ZDHHC9: variants seen among roughly 807,000 people sequenced by gnomAD.
ZDHHC9 encodes palmitoyltransferase ZDHHC9.
In ZDHHC9, 3 loss-of-function variants were observed where a neutral mutation model predicts 26.6. The observed-to-expected ratio is 0.11, with a 90% CI of 0.05 to 0.29. The LOEUF is 0.29. Among genes scored for constraint, ZDHHC9 ranks in the 10% least tolerant of loss-of-function variants. The pLI is 1.00. For synonymous variants in ZDHHC9, 111 were observed against 109.4 expected (o/e 1.01, Z -0.09); for missense variants, 146 against 296.4 (o/e 0.49, Z 3.73).
chrX:129,804,511 T>C lies in ZDHHC9; in HGVS notation c.*1859A>G, dbSNP rs1171017945. 5.4e-5 allele frequency: 6 copies of C among 111,513 alleles called. No homozygotes were observed. Among genetic ancestry groups the C allele is most frequent in the Non-Finnish European group, 1.1e-4 (6 of 53,056 alleles). The allele number at this position is 111,513 out of a possible 1,213,427, so 9.2% of individuals were successfully genotyped here. ...GGGAATTGATAGGGAGTCTTGATTATACACCACCTAGAAAGAAATATATAC... is the reference window on the plus strand; with the variant it reads ...GGGAATTGATAGGGAGTCTTGATTACACACCACCTAGAAAGAAATATATAC... On this transcript the variant is annotated 3_prime_UTR_variant, in exon 11 of 11. Coordinates refer to ENST00000357166, the MANE Select transcript of ZDHHC9 (RefSeq NM_016032.4).
intron 5 of ZDHHC9, 43 bp downstream of exon 5, chrX:129,823,636 A>G (rs1181643455): frequency 8.3e-7 from 1 of 1,208,367 alleles, no homozygotes; most frequent in Admixed American, 2.2e-5. Context: ...TTCTAGTTCA[A>G]CTCAGCCTTT....
chrX:129,841,661 A>G (rs1928384356), intron 3 of ZDHHC9, 118 bp downstream of exon 3: 2 of 898,526 alleles, frequency 2.2e-6, no homozygotes. Context: ...CTCTACAGAC[A>G]TCGCTCAAGA....
At chrX:129,811,052 C>G in intron 9 of ZDHHC9, 51 bp from the exon 10 acceptor site, 1 of 1,088,542 alleles carries the variant, frequency 9.2e-7, no homozygotes, top group Non-Finnish European at 1.3e-6. Flanking sequence ...CCCCTCCACC[C>G]ACCTGGCCTA....
At chrX:129,833,789 T>C (rs1201862933) in intron 3 of ZDHHC9, among the ~76,000 whole-genome samples, 1 of 111,862 alleles carries the variant, frequency 8.9e-6, no homozygotes, top group African/African-American at 3.3e-5. Flanking sequence ...AAGAGCTCTG[T>C]AGGGGAGCTG....
intron 3 of ZDHHC9, among the ~76,000 whole-genome samples, chrX:129,830,807 C>T (rs12393918): frequency 0.041 from 4,559 of 111,560 alleles, 230 homozygotes; most frequent in African/African-American, 0.14. Flanking sequence ...GAGGTCTTCC[C>T]CTAGCTCCCT....
intron 5 of ZDHHC9, among the ~76,000 whole-genome samples, chrX:129,820,951 C>T (rs1261996675): frequency 1.8e-5 from 2 of 110,877 alleles, no homozygotes; most frequent in East Asian, 2.8e-4. Flanking sequence ...CAACAGGCCC[C>T]GGTGTGTGTT....
At chrX:129,816,945 C>T (rs144637272) in intron 5 of ZDHHC9, among the ~76,000 whole-genome samples, 1,171 of 110,907 alleles carry the variant, frequency 0.011, 15 homozygotes, top group African/African-American at 0.036. Flanking sequence ...TGCAATGGTG[C>T]GATCTCGGCT....
rs186074973 is a variant in ZDHHC9, at chrX:129,829,652, C to T, written c.168-511G>A. Among the ~76,000 whole-genome samples the T allele has an allele frequency of 4.1e-3, 455 of 112,110 alleles. 3 individuals are homozygous for T. Among genetic ancestry groups the T allele is most frequent in the African/African-American group, 0.013 (401 of 30,876 alleles). On this transcript the variant is annotated intron_variant, in intron 3 of 10. Coordinates refer to ENST00000357166, the MANE Select transcript of ZDHHC9 (RefSeq NM_016032.4). Reference sequence around the variant, plus strand: ...AGAGTATCTCAGCATGCTTCAAGACCAGTGAAAACCTTCAGGGCTGTTGAC... The same window carrying T: ...AGAGTATCTCAGCATGCTTCAAGACTAGTGAAAACCTTCAGGGCTGTTGAC...
rs779723534 is a variant in ZDHHC9 at position 129,803,610 on chromosome X, C to T, written c.*2760G>A. 8.9e-6 allele frequency: 1 copy of T among 111,920 alleles called. No homozygotes were observed. The highest frequency in any genetic ancestry group is 9.5e-5 in the Admixed American group (1 of 10,540). 9.2% of individuals were successfully genotyped at this position (111,920 alleles called of 1,213,427 possible). On this transcript the variant is annotated 3_prime_UTR_variant, in exon 11 of 11. Transcript: ENST00000357166. ...ATTTAGCTGCTACGGAATCAGAATC[C>T]ACCTCTAACCCAACCTCACTCCTGG... is the stretch of plus-strand genomic sequence containing the variant.
chrX:129,815,349 T>C (rs1423267648), intron 5 of ZDHHC9, among the ~76,000 whole-genome samples: 1 of 112,019 alleles, frequency 8.9e-6, no homozygotes, highest in Non-Finnish European at 1.9e-5. Context: ...GGCTATTTGG[T>C]GCAAAATAAG....
intron 4 of ZDHHC9, among the ~76,000 whole-genome samples, chrX:129,825,443 C>T (rs1249721330): frequency 9.0e-6 from 1 of 111,247 alleles, no homozygotes; most frequent in Non-Finnish European, 1.9e-5. Flanking sequence ...ATTATAAATG[C>T]AGATTTGTAC....
chrX:129,812,085 CT>C (rs770047894), intron 8 of ZDHHC9, among the ~76,000 whole-genome samples: 6,255 of 101,310 alleles, frequency 0.062, 489 homozygotes, highest in African/African-American at 0.2. Context: ...TAATTGCTAA[CT>C]TTTTTTTTTT....
rs1462453007 is a variant in ZDHHC9 at position 129,803,543 on chromosome X, CT to C, written c.*2826del. The C allele has an allele frequency of 8.9e-6, 1 of 112,195 alleles. No individual in the cohort carries two copies. Among genetic ancestry groups the C allele is most frequent in the African/African-American group, 3.2e-5 (1 of 30,865 alleles). The allele number at this position is 112,195 out of a possible 1,213,427, so 9.2% of individuals were successfully genotyped here. A position where few individuals can be genotyped will look rare whatever the true frequency, so the allele number is the denominator to read the frequency against. ...GAGATTTGGTCAGTAGGAACGGGTG[CT>C]TTATGGGTAAAGGCAGGATGGTCAG... On this transcript the variant is annotated 3_prime_UTR_variant, in exon 11 of 11. Transcript: ENST00000357166.
At chrX:129,813,545 T>G in intron 7 of ZDHHC9, 132 bp downstream of exon 7, 1 of 683,570 alleles carries the variant, frequency 1.5e-6, no homozygotes, top group Non-Finnish European at 2.3e-6. Context: ...AGACTATATT[T>G]TTTTAAATTA....
At chrX:129,811,117 C>T (rs995823459) in intron 9 of ZDHHC9, 116 bp from the exon 10 acceptor site, 223 of 609,289 alleles carry the variant, frequency 3.7e-4, no homozygotes, top group Non-Finnish European at 4.7e-4. Context: ...GCAATCTAGC[C>T]TGAACACAGC....
intron 10 of ZDHHC9, among the ~76,000 whole-genome samples, chrX:129,806,834 A>G (rs1927527068): frequency 8.9e-6 from 1 of 111,923 alleles, no homozygotes; most frequent in Non-Finnish European, 1.9e-5. Flanking sequence ...ATGGTCCTCA[A>G]TCGTGTTTCT....
chrX:129,832,133 T>TATACCAG (rs60287377), intron 3 of ZDHHC9, among the ~76,000 whole-genome samples: 14,952 of 108,626 alleles, frequency 0.14, 1,883 homozygotes, highest in East Asian at 0.46. Flanking sequence ...CATCATATTG[T>TATACCAG]ATACATATAT....
intron 5 of ZDHHC9, among the ~76,000 whole-genome samples, chrX:129,815,212 T>C (rs143077630): frequency 0.061 from 6,769 of 111,581 alleles, 509 homozygotes; most frequent in African/African-American, 0.21. Flanking sequence ...TATGGCATAG[T>C]TCAATGGAAT....
intron 7 of ZDHHC9, 102 bp from the exon 8 acceptor site, chrX:129,812,922 G>A (rs1927677379): frequency 1.8e-6 from 1 of 570,189 alleles, no homozygotes; most frequent in East Asian, 3.4e-5. Flanking sequence ...CTCCTGGAAC[G>A]TATATCACAA....
Sources: gnomAD v4.1 joint callset for allele counts (sites outside exome capture counted in the v4.1 genomes callset) on GRCh38, gnomAD v4.1.1 for gene constraint, MANE v1.5 for transcripts, NCBI Gene and HGNC (gene_info 2026-07-23, HGNC 2026-07-21) for gene names.